CRPPA: variants seen among roughly 807,000 people sequenced by gnomAD.
The protein encoded by CRPPA is D-ribitol-5-phosphate cytidylyltransferase.
A neutral mutation model predicts 52.0 loss-of-function variants in CRPPA; 43 were observed. That is an observed-to-expected ratio of 0.83 (90% CI 0.65 to 1.07). The LOEUF is 1.07. CRPPA is among the 50% of genes least tolerant of loss of function. The probability of loss-of-function intolerance (pLI) is 0.00; values close to 1 mark genes in which losing one functional copy is unlikely to be tolerated. For synonymous variants in CRPPA, 250 were observed against 203.5 expected, an observed-to-expected ratio of 1.23 and a Z score of -1.94; for missense variants, 629 against 551.7, an observed-to-expected ratio of 1.14 and a Z score of -1.40.
At chr7:16,109,002 T>C (rs745325474) in intron 9 of CRPPA, among the ~76,000 whole-genome samples, 3 of 151,596 alleles carry the variant, frequency 2.0e-5, no homozygotes, top group Non-Finnish European at 4.4e-5. Context: ...AAGTGAACAA[T>C]CTAGTGTTAC....
At chr7:16,171,839 G>T (rs1404392802) in intron 9 of CRPPA, among the ~76,000 whole-genome samples, 1 of 152,020 alleles carries the variant, frequency 6.6e-6, no homozygotes, top group African/African-American at 2.4e-5. Flanking sequence ...TCTCTCAGAG[G>T]TTCTGCACAT....
In CRPPA at chr7:16,102,331, T is replaced by C. The variant is rs1039911472; in HGVS notation, c.1252-10532A>G. ...TCAAGATGGATTAAAAACTTCAACGTAAGACATAAAACCATAAAAATCCTA... is the reference window on the plus strand; with the variant it reads ...TCAAGATGGATTAAAAACTTCAACGCAAGACATAAAACCATAAAAATCCTA... On this transcript the variant is annotated intron_variant, in intron 9 of 9. Transcript: ENST00000407010. 8.1e-4 allele frequency among the ~76,000 whole-genome samples: 124 copies of C among 152,184 alleles called. 8 individuals are homozygous for C. Among genetic ancestry groups the C allele is most frequent in the Non-Finnish European group, 1.0e-4 (7 of 68,030 alleles).
At chr7:16,388,049 T>C (rs1350969545) in intron 2 of CRPPA, among the ~76,000 whole-genome samples, 1 of 152,164 alleles carries the variant, frequency 6.6e-6, no homozygotes, top group African/African-American at 2.4e-5. Context: ...GGTAGCACAA[T>C]CACAGCTCAC....
At position 16,175,765 on chromosome 7, in the gene CRPPA, T is replaced by C. The variant is rs536416706; in HGVS notation, c.1251+40301A>G. On this transcript the variant is annotated intron_variant, in intron 9 of 9. Coordinates refer to ENST00000407010, the MANE Select transcript of CRPPA (RefSeq NM_001101426.4). Reference sequence around the variant, plus strand: ...TATATAAAAATTTGAAATTTAATTTTACAAATGAAGCAGGGAAAAGGAAAG... The same window carrying C: ...TATATAAAAATTTGAAATTTAATTTCACAAATGAAGCAGGGAAAAGGAAAG... Among the ~76,000 whole-genome samples the C allele has an allele frequency of 1.3e-3, 191 of 152,282 alleles. 1 individual carries two copies. The highest frequency in any genetic ancestry group is 4.4e-3 in the African/African-American group (182 of 41,570).
intron 3 of CRPPA, among the ~76,000 whole-genome samples, chr7:16,340,575 C>G (rs565566541): frequency 5.7e-4 from 64 of 111,918 alleles, no homozygotes; most frequent in Non-Finnish European, 8.5e-4. Flanking sequence ...ACAACATTAA[C>G]TATCAAATTG....
intron 9 of CRPPA, among the ~76,000 whole-genome samples, chr7:16,204,794 G>A (rs1436825908): frequency 6.6e-6 from 1 of 152,130 alleles, no homozygotes; most frequent in Non-Finnish European, 1.5e-5. Flanking sequence ...GTCTTCATAA[G>A]CTTTGATAAA....
intron 8 of CRPPA, among the ~76,000 whole-genome samples, chr7:16,241,808 G>A (rs887168680): frequency 7.9e-5 from 12 of 151,728 alleles, no homozygotes; most frequent in Non-Finnish European, 1.0e-4. Flanking sequence ...CATATAGTTC[G>A]TTTTTTTCTC....
intron 4 of CRPPA, 91 bp downstream of exon 4, chr7:16,308,432 C>T: frequency 1.4e-6 from 1 of 718,454 alleles, no homozygotes; most frequent in Non-Finnish European, 2.5e-6. Context: ...TCCCTTAACT[C>T]CTACTCAATG....
At chr7:16,299,487 C>T (rs911764169) in intron 5 of CRPPA, among the ~76,000 whole-genome samples, 1 of 152,112 alleles carries the variant, frequency 6.6e-6, no homozygotes, top group African/African-American at 2.4e-5. Flanking sequence ...TGAGGTGGGG[C>T]CTGAGATTCT....
intron 1 of CRPPA, among the ~76,000 whole-genome samples, chr7:16,420,852 G>A (rs1457276271): frequency 9.9e-5 from 15 of 152,102 alleles, no homozygotes; most frequent in African/African-American, 3.6e-4. Context: ...GGGACGTAAA[G>A]GGCTCTGTGG....
intron 6 of CRPPA, among the ~76,000 whole-genome samples, chr7:16,270,916 TTGAC>T (rs1784075808): frequency 6.6e-6 from 1 of 152,122 alleles, no homozygotes. Flanking sequence ...GATGTGTTGT[TTGAC>T]TAATATGTCA....
intron 6 of CRPPA, among the ~76,000 whole-genome samples, chr7:16,276,218 A>G (rs1331332638): frequency 1.3e-5 from 2 of 152,238 alleles, no homozygotes; most frequent in African/African-American, 2.4e-5. Context: ...GCTTCATCCA[A>G]CAGGAATCTC....
intron 2 of CRPPA, among the ~76,000 whole-genome samples, chr7:16,405,615 T>C (rs1229998561): frequency 1.3e-5 from 2 of 152,170 alleles, no homozygotes; most frequent in East Asian, 1.9e-4. Context: ...ATGGAAACAA[T>C]TGTCATCTCA....
intron 9 of CRPPA, among the ~76,000 whole-genome samples, chr7:16,168,980 T>C (rs1781122282): frequency 6.6e-6 from 1 of 152,164 alleles, no homozygotes; most frequent in Non-Finnish European, 1.5e-5. Flanking sequence ...GGAATTGTAG[T>C]CAATGTCAAA....
At chr7:16,136,721 G>A (rs1317091397) in intron 9 of CRPPA, among the ~76,000 whole-genome samples, 1 of 152,198 alleles carries the variant, frequency 6.6e-6, no homozygotes, top group Non-Finnish European at 1.5e-5. Context: ...ATGATTTCCT[G>A]AGAGAAAGAA....
At chr7:16,261,850 A>G (rs1041153963) in intron 6 of CRPPA, 1 of 152,058 alleles carries the variant, frequency 6.6e-6, no homozygotes, top group Admixed American at 6.6e-5. Context: ...CCTTCCAAGT[A>G]CGCATAGTTG....
chr7:16,088,675 C>T lies in CRPPA; in HGVS notation c.*3020G>A, dbSNP rs537575114. On this transcript the variant is annotated 3_prime_UTR_variant, in exon 10 of 10. Coordinates refer to ENST00000407010, the MANE Select transcript of CRPPA (RefSeq NM_001101426.4). ...CCTCGTAATCTGCCTGCCTCGGCCT[C>T]CCAAAGTGCTGGGATTTCAGGCGTG... The T allele has an allele frequency of 1.9e-5, 3 of 153,956 alleles. No individual in the cohort carries two copies. Among genetic ancestry groups the T allele is most frequent in the African/African-American group, 7.2e-5 (3 of 41,540 alleles). 9.5% of individuals were successfully genotyped at this position (153,956 alleles called of 1,614,324 possible).
rs565263234 is a variant in CRPPA at position 16,288,383 on chromosome 7, TA to T, written c.836-10158del. ...ATATTTATTTTAAATCTATATATTCTAAAAAAAAAATAAAACAAGCCTTAAA... is the reference window on the plus strand; with the variant it reads ...ATATTTATTTTAAATCTATATATTCTAAAAAAAAATAAAACAAGCCTTAAA... On this transcript the variant is annotated intron_variant, in intron 5 of 9. Transcript: ENST00000407010. Among the ~76,000 whole-genome samples, 814 of 148,408 alleles carry T rather than the reference TA, an allele frequency of 5.5e-3. 8 individuals are homozygous for T. Among genetic ancestry groups the T allele is most frequent in the African/African-American group, 0.019 (776 of 40,578 alleles).
intron 3 of CRPPA, among the ~76,000 whole-genome samples, chr7:16,355,398 AC>A (rs1308856531): frequency 6.6e-6 from 1 of 152,056 alleles, no homozygotes; most frequent in East Asian, 1.9e-4. Context: ...CACCGCTACA[AC>A]TCATCATGTA....
Sources: allele counts gnomAD v4.1 joint callset (sites outside exome capture counted in the v4.1 genomes callset), GRCh38; gene constraint gnomAD v4.1.1; transcripts MANE v1.5; gene names NCBI Gene and HGNC (gene_info 2026-07-23, HGNC 2026-07-21).